AAGAB: variants seen among roughly 807,000 people sequenced by gnomAD.
AAGAB encodes alpha and gamma adaptin binding protein.
AAGAB carries 38 observed loss-of-function variants against 44.1 expected under a neutral mutation model. That is an observed-to-expected ratio of 0.86 (90% CI 0.67 to 1.13). AAGAB has a LOEUF of 1.13. Among genes scored for constraint, AAGAB ranks in the 50% most tolerant of loss-of-function variants. The pLI is 0.00. For missense variants in AAGAB, 450 were observed against 373.8 expected, an observed-to-expected ratio of 1.20 and a Z score of -1.68; for synonymous variants, 131 against 131.8, an observed-to-expected ratio of 0.99 and a Z score of 0.04.
At chr15:67,231,971 T>C in intron 4 of AAGAB, 74 bp from the exon 5 acceptor site, 1 of 1,331,782 alleles carries the variant, frequency 7.5e-7, no homozygotes, top group Non-Finnish European at 1.1e-6. Flanking sequence ...CACAAAAATG[T>C]GGCCAGGCAC....
At chr15:67,236,557 C>A in intron 2 of AAGAB, 53 bp from the exon 3 acceptor site, 1 of 1,604,856 alleles carries the variant, frequency 6.2e-7, no homozygotes, top group Non-Finnish European at 8.5e-7. Flanking sequence ...GATAGTCAGA[C>A]AAAATGTAAT....
intron 4 of AAGAB, among the ~76,000 whole-genome samples, chr15:67,233,394 T>G (rs1334584131): frequency 6.6e-6 from 1 of 152,174 alleles, no homozygotes; most frequent in Non-Finnish European, 1.5e-5. Context: ...AAAGGTGGTA[T>G]TCTTAACTAC....
intron 4 of AAGAB, among the ~76,000 whole-genome samples, chr15:67,233,286 C>T (rs1480476788): frequency 2.6e-5 from 4 of 152,106 alleles, no homozygotes; most frequent in East Asian, 1.9e-4. Context: ...AGGGTCATTA[C>T]GACAACTTAG....
At chr15:67,243,080 T>C (rs543290021) in intron 1 of AAGAB, among the ~76,000 whole-genome samples, 1 of 152,224 alleles carries the variant, frequency 6.6e-6, no homozygotes, top group South Asian at 2.1e-4. Context: ...TTCCTCAAGT[T>C]TACTTTCTCC....
chr15:67,226,295 T>A (rs910899437), intron 5 of AAGAB, among the ~76,000 whole-genome samples: 2 of 152,118 alleles, frequency 1.3e-5, no homozygotes, highest in Admixed American at 1.3e-4. Context: ...ATTTTTAGAA[T>A]TTTTTTGTAG....
At chr15:67,210,587 G>A (rs1364422937) in intron 5 of AAGAB, among the ~76,000 whole-genome samples, 1 of 152,054 alleles carries the variant, frequency 6.6e-6, no homozygotes, top group African/African-American at 2.4e-5. Flanking sequence ...AAGACTCCCA[G>A]TATGCTGTTT....
chr15:67,232,604 T>C, intron 4 of AAGAB: 1 of 405,646 alleles, frequency 2.5e-6, no homozygotes, highest in South Asian at 2.1e-5. Flanking sequence ...CCACACCAGA[T>C]GTCATCTTTG....
intron 5 of AAGAB, among the ~76,000 whole-genome samples, chr15:67,221,662 T>G (rs1437005697): frequency 1.3e-5 from 2 of 152,216 alleles, no homozygotes; most frequent in African/African-American, 4.8e-5. Flanking sequence ...AGAGGGCTTG[T>G]ATAGCATGTG....
intron 1 of AAGAB, among the ~76,000 whole-genome samples, chr15:67,241,325 T>G (rs886981226): frequency 6.6e-6 from 1 of 152,192 alleles, no homozygotes; most frequent in African/African-American, 2.4e-5. Flanking sequence ...CTGAGGGAAG[T>G]GACAGCTGCC....
chr15:67,247,300 CA>C (rs1291366738), intron 1 of AAGAB, among the ~76,000 whole-genome samples: 2 of 152,120 alleles, frequency 1.3e-5, no homozygotes, highest in Non-Finnish European at 2.9e-5. Context: ...CTTGACCTTA[CA>C]AAAAATGATT....
intron 5 of AAGAB, among the ~76,000 whole-genome samples, chr15:67,211,116 G>A (rs773115069): frequency 6.6e-6 from 1 of 152,174 alleles, no homozygotes; most frequent in Non-Finnish European, 1.5e-5. Flanking sequence ...CTGGGATGAA[G>A]CCTCAAATGT....
At position 67,249,846 on chromosome 15, in the gene AAGAB, A is replaced by G. The variant is rs150281263; in HGVS notation, c.73+4713T>C. On this transcript the variant is annotated intron_variant, in intron 1 of 9. Coordinates refer to ENST00000261880, the MANE Select transcript of AAGAB (RefSeq NM_024666.5). ...CCAAAGCACAGTTTCTTCATCTGCA[A>G]AATGGACACAACCTACCTTCACAGG... 4.9e-3 allele frequency among the ~76,000 whole-genome samples: 751 copies of G among 152,364 alleles called. 5 individuals carry two copies. The highest frequency in any genetic ancestry group is 0.016 in the African/African-American group (672 of 41,582).
Position 67,202,224 on chromosome 15 carries a change from TTC to T in AAGAB, c.*595_*596del, listed in dbSNP as rs1963584839. The T allele has an allele frequency of 6.6e-6, 1 of 152,546 alleles. No individual in the cohort carries two copies. The highest frequency in any genetic ancestry group is 1.5e-5 in the Non-Finnish European group (1 of 68,180). 9.4% of individuals were successfully genotyped at this position (152,546 alleles called of 1,614,324 possible). On this transcript the variant is annotated 3_prime_UTR_variant, in exon 10 of 10. Transcript: ENST00000261880. ...CTAAAAATCCACACTGGCTTTTTGA[TTC>T]TTTCTAGCATGAGCTCAGACACTAT... is the stretch of plus-strand genomic sequence containing the variant.
At chr15:67,237,757 A>C (rs1195676455) in intron 1 of AAGAB, among the ~76,000 whole-genome samples, 2 of 152,228 alleles carry the variant, frequency 1.3e-5, no homozygotes, top group African/African-American at 2.4e-5. Flanking sequence ...ACATGCCATT[A>C]ATTGACTTAT....
At chr15:67,254,967 C>T (rs1174390965), upstream of AAGAB, 1 of 1,609,030 alleles carries the variant, frequency 6.2e-7, no homozygotes, top group African/African-American at 1.3e-5. Context: ...GGGCTTCCCC[C>T]GGCCCTGCCC....
intron 1 of AAGAB, among the ~76,000 whole-genome samples, chr15:67,249,456 T>C (rs931979624): frequency 6.6e-6 from 1 of 152,204 alleles, no homozygotes; most frequent in Non-Finnish European, 1.5e-5. Flanking sequence ...GTTCACTCAA[T>C]TGAGAAAATA....
rs951092731 is a variant in AAGAB, at chr15:67,254,325, C to G, written c.73+234G>C. On this transcript the variant is annotated intron_variant, in intron 1 of 9. Transcript: ENST00000261880. ...GCCTGGGCTGAGCAGAGCGGGAAAT[C>G]AGTCTCACTTTACACAGGAAGCCGA... The G allele has an allele frequency of 6.7e-5, 80 of 1,189,586 alleles. 1 individual carries two copies. In the Middle Eastern group the frequency reaches 2.4e-3, roughly 36 times the overall value. The allele number at this position is 1,189,586 out of a possible 1,614,324, so 73.7% of individuals were successfully genotyped here. A position where few individuals can be genotyped will look rare whatever the true frequency, so the allele number is the denominator to read the frequency against.
intron 7 of AAGAB, among the ~76,000 whole-genome samples, chr15:67,207,712 T>A (rs769043029): frequency 8.5e-5 from 13 of 152,344 alleles, no homozygotes; most frequent in Non-Finnish European, 1.5e-4. Context: ...CTTAGGTTAG[T>A]GCTTCAAGTC....
At chr15:67,242,853 A>G (rs13313480) in intron 1 of AAGAB, 68,499 of 151,920 alleles carry the variant, frequency 0.45, 15,905 homozygotes, top group Non-Finnish European at 0.52. Context: ...AGACTTGCTG[A>G]GGGAAGAGTA....
Sources: gnomAD v4.1 joint callset for allele counts (sites outside exome capture counted in the v4.1 genomes callset) on GRCh38, gnomAD v4.1.1 for gene constraint, MANE v1.5 for transcripts, NCBI Gene and HGNC (gene_info 2026-07-23, HGNC 2026-07-21) for gene names.